TOX3: variants seen among roughly 807,000 people sequenced by gnomAD.
The protein encoded by TOX3 is CAG trinucleotide repeat-containing gene F9 protein.
A neutral mutation model predicts 64.3 loss-of-function variants in TOX3; 22 were observed. The ratio of observed to expected loss-of-function variants is 0.34; its 90% CI spans 0.24 to 0.49. The LOEUF (loss-of-function observed/expected upper bound fraction) is 0.49. Ranked by LOEUF, TOX3 falls within the 20% of genes least tolerant of loss-of-function variation. The pLI, the probability that TOX3 is intolerant of heterozygous loss-of-function variation, is 0.99. For synonymous variants in TOX3, 291 were observed against 273.6 expected (o/e 1.06, Z -0.63); for missense variants, 661 against 714.4 (o/e 0.93, Z 0.85).
rs139708706 is a variant in TOX3 at position 52,469,961 on chromosome 16, A to G, written c.88-1387T>C. On this transcript the variant is annotated intron_variant, in intron 1 of 6. Coordinates refer to ENST00000219746, the MANE Select transcript of TOX3 (RefSeq NM_001080430.4). ...GCCAACACACCGAAATGCACATACA[A>G]TGAGTCATCCGACAAGCTCTCACTG... Among the ~76,000 whole-genome samples, 1,237 of 152,308 alleles carry G rather than the reference A, an allele frequency of 8.1e-3. 18 individuals are homozygous for G. The highest frequency in any genetic ancestry group is 0.028 in the African/African-American group (1,174 of 41,560).
At chr16:52,540,852 G>T (rs1806266029) in intron 1 of TOX3, among the ~76,000 whole-genome samples, 1 of 152,148 alleles carries the variant, frequency 6.6e-6, no homozygotes, top group South Asian at 2.1e-4. Flanking sequence ...TCAAAGAAGG[G>T]CTCTTCAAGA....
At chr16:52,536,479 G>A (rs866756948) in intron 1 of TOX3, among the ~76,000 whole-genome samples, 1 of 150,966 alleles carries the variant, frequency 6.6e-6, no homozygotes, top group African/African-American at 2.4e-5. Context: ...TAAAGCGAGG[G>A]TAGAGGGGAG....
At chr16:52,501,999 G>A (rs561477591) in intron 1 of TOX3, among the ~76,000 whole-genome samples, 10 of 152,122 alleles carry the variant, frequency 6.6e-5, no homozygotes, top group Non-Finnish European at 1.0e-4. Flanking sequence ...CCCTGCCTCC[G>A]CAAGTAAAAC....
intron 3 of TOX3, among the ~76,000 whole-genome samples, chr16:52,454,100 G>C (rs989772041): frequency 6.6e-6 from 1 of 152,118 alleles, no homozygotes; most frequent in Admixed American, 6.5e-5. Context: ...GAGAGCCATG[G>C]TATCTTCACG....
intron 1 of TOX3, among the ~76,000 whole-genome samples, chr16:52,473,642 T>C (rs1713666533): frequency 6.6e-6 from 1 of 152,162 alleles, no homozygotes; most frequent in Non-Finnish European, 1.5e-5. Context: ...AGTAATCTGT[T>C]TCAAGACACA....
At chr16:52,453,718 T>C (rs1417463947) in intron 3 of TOX3, among the ~76,000 whole-genome samples, 1 of 152,192 alleles carries the variant, frequency 6.6e-6, no homozygotes, top group African/African-American at 2.4e-5. Flanking sequence ...CACATATAGG[T>C]GCTCGATTGA....
rs1319036420 is a variant in TOX3 at position 52,438,070 on chromosome 16, T to C, written c.*1155A>G. On this transcript the variant is annotated 3_prime_UTR_variant, in exon 7 of 7. Transcript: ENST00000219746. ...TCTTTGTTGTTGCATCAAAATACAG[T>C]CCACAGTTTTTACTGAAATGTGTTT... The C allele has an allele frequency of 6.6e-6, 1 of 152,662 alleles. No homozygotes were observed. Among genetic ancestry groups the C allele is most frequent in the Non-Finnish European group, 1.5e-5 (1 of 68,042 alleles). The allele number at this position is 152,662 out of a possible 1,614,324, so 9.5% of individuals were successfully genotyped here. A position where few individuals can be genotyped will look rare whatever the true frequency, so the allele number is the denominator to read the frequency against.
intron 1 of TOX3, among the ~76,000 whole-genome samples, chr16:52,522,907 T>C (rs989187163): frequency 1.3e-5 from 2 of 152,230 alleles, no homozygotes; most frequent in Non-Finnish European, 2.9e-5. Context: ...AAGCACTTCA[T>C]GGATGAAGGC....
At chr16:52,447,610 T>C (rs911321709) in intron 4 of TOX3, among the ~76,000 whole-genome samples, 5 of 152,318 alleles carry the variant, frequency 3.3e-5, no homozygotes, top group African/African-American at 1.2e-4. Context: ...AAGTCATATC[T>C]CACTTCTCCT....
intron 6 of TOX3, among the ~76,000 whole-genome samples, chr16:52,443,913 T>C (rs1255285092): frequency 6.6e-6 from 1 of 152,194 alleles, no homozygotes; most frequent in Non-Finnish European, 1.5e-5. Context: ...GAATTTATAA[T>C]ATGATGTCCA....
At chr16:52,537,068 C>G (rs1034126402) in intron 1 of TOX3, among the ~76,000 whole-genome samples, 1 of 152,078 alleles carries the variant, frequency 6.6e-6, no homozygotes, top group African/African-American at 2.4e-5. Flanking sequence ...CTCTCACTCT[C>G]TCTCTAATCT....
At chr16:52,511,587 G>A (rs1301157815) in intron 1 of TOX3, among the ~76,000 whole-genome samples, 1 of 152,160 alleles carries the variant, frequency 6.6e-6, no homozygotes, top group South Asian at 2.1e-4. Flanking sequence ...AATAGATGGT[G>A]AAGTATTTAA....
intron 1 of TOX3, among the ~76,000 whole-genome samples, chr16:52,473,172 C>T (rs577749608): frequency 3.0e-4 from 45 of 152,098 alleles, no homozygotes; most frequent in East Asian, 5.8e-4. Flanking sequence ...GCAAAGCGGC[C>T]GGAAGAAAGT....
chr16:52,504,343 T>C (rs1163036665), intron 1 of TOX3, among the ~76,000 whole-genome samples: 4 of 151,884 alleles, frequency 2.6e-5, no homozygotes, highest in African/African-American at 4.8e-5. Flanking sequence ...GGTGGGCACC[T>C]GTCGTTCCAG....
At chr16:52,514,349 G>A (rs796614889) in intron 1 of TOX3, among the ~76,000 whole-genome samples, 6 of 152,218 alleles carry the variant, frequency 3.9e-5, no homozygotes, top group African/African-American at 1.4e-4. Context: ...TTCTTCCCTT[G>A]TATTCTGAAT....
chr16:52,523,707 T>C (rs1164560479), intron 1 of TOX3, among the ~76,000 whole-genome samples: 1 of 152,230 alleles, frequency 6.6e-6, no homozygotes, highest in Non-Finnish European at 1.5e-5. Context: ...TTTGTGTTTA[T>C]GAAGACATCC....
At chr16:52,530,334 C>G (rs973946133) in intron 1 of TOX3, among the ~76,000 whole-genome samples, 2 of 109,540 alleles carry the variant, frequency 1.8e-5, no homozygotes, top group East Asian at 6.8e-4. Flanking sequence ...AACTGCCCCC[C>G]ACCCCACTTT....
intron 1 of TOX3, among the ~76,000 whole-genome samples, chr16:52,523,293 C>T (rs1405063637): frequency 1.3e-5 from 2 of 152,092 alleles, no homozygotes; most frequent in East Asian, 1.9e-4. Flanking sequence ...TCAAGAAGAG[C>T]GGGGTATGTG....
intron 1 of TOX3, among the ~76,000 whole-genome samples, chr16:52,500,799 C>T (rs1285131401): frequency 6.6e-6 from 1 of 152,144 alleles, no homozygotes; most frequent in African/African-American, 2.4e-5. Flanking sequence ...AAGATATAAT[C>T]TAACTACAGA....
Sources: gnomAD v4.1 joint callset for allele counts (sites outside exome capture counted in the v4.1 genomes callset) on GRCh38, gnomAD v4.1.1 for gene constraint, MANE v1.5 for transcripts, NCBI Gene and HGNC (gene_info 2026-07-23, HGNC 2026-07-21) for gene names.